The following PRTG variants were observed in gnomAD, a reference collection of about 807,000 sequenced individuals.
The protein encoded by PRTG is protogenin, also known as immunoglobulin superfamily, DCC subclass, member 5.
A neutral mutation model predicts 122.5 loss-of-function variants in PRTG; 67 were observed. The observed-to-expected ratio is 0.55, with a 90% confidence interval of 0.45 to 0.67. PRTG has a LOEUF of 0.67. Ranked by LOEUF, PRTG falls within the 30% of genes least tolerant of loss-of-function variation. The probability of loss-of-function intolerance (pLI) is 0.00; values close to 1 mark genes in which losing one functional copy is unlikely to be tolerated. For missense variants in PRTG, 1,435 were observed against 1,415.4 expected, an observed-to-expected ratio of 1.01 and a Z score of -0.22; for synonymous variants, 554 against 501.1, an observed-to-expected ratio of 1.11 and a Z score of -1.41.
intron 2 of PRTG, among the ~76,000 whole-genome samples, chr15:55,704,314 G>A (rs2030000858): frequency 1.3e-5 from 2 of 152,156 alleles, no homozygotes; most frequent in Non-Finnish European, 2.9e-5. Flanking sequence ...TAAGAAGAGT[G>A]AGGTTTTTGT....
At chr15:55,623,889 A>G (rs1334045909) in intron 18 of PRTG, among the ~76,000 whole-genome samples, 1 of 152,202 alleles carries the variant, frequency 6.6e-6, no homozygotes, top group African/African-American at 2.4e-5. Context: ...CCATATTTTT[A>G]AAAATGGCAT....
intron 2 of PRTG, among the ~76,000 whole-genome samples, chr15:55,724,790 C>G (rs2030965607): frequency 6.6e-6 from 1 of 151,840 alleles, no homozygotes; most frequent in Admixed American, 6.6e-5. Flanking sequence ...AAAAGAAAAC[C>G]AAGTATAAAG....
chr15:55,706,795 C>T (rs996339610), intron 2 of PRTG, among the ~76,000 whole-genome samples: 8 of 151,778 alleles, frequency 5.3e-5, no homozygotes, highest in African/African-American at 9.7e-5. Flanking sequence ...AGAGGGAGAG[C>T]GAGGCAGGGT....
At chr15:55,719,916 G>A (rs888568279) in intron 2 of PRTG, among the ~76,000 whole-genome samples, 3 of 151,102 alleles carry the variant, frequency 2.0e-5, no homozygotes, top group African/African-American at 7.3e-5. Context: ...AAAAAAATTA[G>A]CCGGGCATGG....
chr15:55,738,533 T>C, intron 2 of PRTG: 1 of 701,518 alleles, frequency 1.4e-6, no homozygotes, highest in Non-Finnish European at 2.6e-6. Context: ...TTCCTGAAGA[T>C]GAAAACACAG....
At position 55,659,327 on chromosome 15, in the gene PRTG, G is replaced by C. The variant is rs183685116; in HGVS notation, c.2041+13118C>G. On this transcript the variant is annotated intron_variant, in intron 11 of 19. Transcript: ENST00000389286. ...GTTATTTAGACAGAAATAAGTACTC[G>C]TATTTAGCCTGCTTTGATGATCATT... is the stretch of plus-strand genomic sequence containing the variant. Among the ~76,000 whole-genome samples, 17 of 152,252 alleles carry C rather than the reference G, an allele frequency of 1.1e-4. No individual in the cohort carries two copies. In the East Asian group the frequency reaches 2.3e-3, roughly 21 times the overall value.
chr15:55,728,574 G>T (rs373205872), intron 2 of PRTG, among the ~76,000 whole-genome samples: 1 of 152,072 alleles, frequency 6.6e-6, no homozygotes, highest in Admixed American at 6.5e-5. Flanking sequence ...TAAATACTTA[G>T]AAAACTAGGA....
At chr15:55,684,346 T>TA (rs2059558397) in intron 2 of PRTG, among the ~76,000 whole-genome samples, 1 of 152,190 alleles carries the variant, frequency 6.6e-6, no homozygotes. Flanking sequence ...GAATTAGCTT[T>TA]TGAAGAATCC....
chr15:55,724,214 T>A (rs549203933), intron 2 of PRTG, among the ~76,000 whole-genome samples: 1 of 152,348 alleles, frequency 6.6e-6, no homozygotes, highest in East Asian at 1.9e-4. Context: ...GTCTGTTCGA[T>A]CTGTTATTTC....
chr15:55,612,697 AATATATATATAT>A lies in PRTG; in HGVS notation c.*7303_*7314del, dbSNP rs59773365. Reference sequence around the variant, plus strand: ...TTCTCTCTTTAACTCTTTAAAAGCCAATATATATATATATATATATATATATATATATATATA... The same window carrying A: ...TTCTCTCTTTAACTCTTTAAAAGCCAATATATATATATATATATATATATA... On this transcript the variant is annotated 3_prime_UTR_variant, in exon 20 of 20. Coordinates refer to ENST00000389286, the MANE Select transcript of PRTG (RefSeq NM_173814.6). 3.0e-3 allele frequency: 361 copies of A among 120,590 alleles called. 2 individuals are homozygous for A. Among genetic ancestry groups the A allele is most frequent in the Non-Finnish European group, 3.9e-3 (250 of 63,728 alleles). The allele number at this position is 120,590 out of a possible 1,614,324, so 7.5% of individuals were successfully genotyped here.
chr15:55,634,327 C>T (rs988196993), intron 15 of PRTG, among the ~76,000 whole-genome samples: 5 of 152,044 alleles, frequency 3.3e-5, no homozygotes, highest in Non-Finnish European at 7.4e-5. Flanking sequence ...CCTCAGCCTC[C>T]AAACTGCTGG....
intron 1 of PRTG, among the ~76,000 whole-genome samples, chr15:55,741,654 C>T (rs1049485875): frequency 2.0e-5 from 3 of 152,180 alleles, no homozygotes; most frequent in African/African-American, 7.2e-5. Flanking sequence ...GTGGGGGAAG[C>T]GTTGCTTCAC....
At chr15:55,733,853 C>T (rs59856866) in intron 2 of PRTG, among the ~76,000 whole-genome samples, 4 of 152,082 alleles carry the variant, frequency 2.6e-5, no homozygotes, top group Non-Finnish European at 5.9e-5. Context: ...ACAACAACAA[C>T]AACAAAAACA....
At chr15:55,681,549 CTTAATA>C (rs1468879780) in intron 4 of PRTG, 1 of 151,974 alleles carries the variant, frequency 6.6e-6, no homozygotes, top group Non-Finnish European at 1.5e-5. Context: ...ATTGTGCTCG[CTTAATA>C]TTAACAATGA....
At chr15:55,733,012 C>T (rs2031289343) in intron 2 of PRTG, among the ~76,000 whole-genome samples, 1 of 151,724 alleles carries the variant, frequency 6.6e-6, no homozygotes, top group Admixed American at 6.6e-5. Context: ...GAGATCGAGA[C>T]CATTCTGGTC....
chr15:55,723,160 A>G (rs1237446909), intron 2 of PRTG, among the ~76,000 whole-genome samples: 2 of 152,202 alleles, frequency 1.3e-5, no homozygotes, highest in East Asian at 1.9e-4. Context: ...CATAAATTCC[A>G]TGATACAGAA....
In PRTG at chr15:55,680,083, G is replaced by A; in HGVS notation, c.944C>T (p.Thr315Ile). ...RATTPGTRNF[T>I]VAMATLTVLA... The stretch of plus-strand genomic sequence containing the variant: ...TACAGTTAAAGTTGCCATAGCAACT[G>A]TAAAGTTGCGTGTGCCAGGGGTAGT... Residue 315 changes from threonine to isoleucine, a missense_variant, in exon 6 of 20, where the codon ACA becomes ATA. By Grantham distance (89) the Thr-to-Ile change is moderately conservative (BLOSUM62 -1). Coordinates refer to ENST00000389286, the MANE Select transcript of PRTG (RefSeq NM_173814.6). The A allele has an allele frequency of 6.2e-7, 1 of 1,613,602 alleles. No individual in the cohort carries two copies. The highest frequency in any genetic ancestry group is 8.5e-7 in the Non-Finnish European group (1 of 1,179,604).
chr15:55,680,942 T>C (rs2059534629), intron 4 of PRTG, among the ~76,000 whole-genome samples: 1 of 152,232 alleles, frequency 6.6e-6, no homozygotes, highest in African/African-American at 2.4e-5. Flanking sequence ...TAATCTACTT[T>C]CAGTCTCTCT....
At chr15:55,689,428 A>G (rs1301684218) in intron 2 of PRTG, among the ~76,000 whole-genome samples, 1 of 152,156 alleles carries the variant, frequency 6.6e-6, no homozygotes, top group East Asian at 1.9e-4. Flanking sequence ...AACTCTTTTT[A>G]GCTGGGTGTA....
Sources: allele counts gnomAD v4.1 joint callset (sites outside exome capture counted in the v4.1 genomes callset), GRCh38; gene constraint gnomAD v4.1.1; transcripts MANE v1.5; gene names NCBI Gene and HGNC (gene_info 2026-07-23, HGNC 2026-07-21).